CSMD2: variants seen among roughly 807,000 people sequenced by gnomAD.
The protein encoded by CSMD2 is CUB and sushi domain-containing protein 2.
Under a neutral mutation model 398.5 loss-of-function variants are expected in CSMD2, and 130 were observed. The observed-to-expected ratio is 0.33, with a 90% CI of 0.28 to 0.38. The LOEUF is 0.38. Among genes scored for constraint, CSMD2 ranks in the 10% least tolerant of loss-of-function variants. CSMD2 has a pLI of 1.00. For synonymous variants in CSMD2, 1,828 were observed against 1,908.5 expected, an observed-to-expected ratio of 0.96 and a Z score of 1.10; for missense variants, 3,829 against 4,764.9, an observed-to-expected ratio of 0.80 and a Z score of 5.78.
At chr1:33,769,888 T>TA (rs1391986038) in intron 13 of CSMD2, among the ~76,000 whole-genome samples, 9 of 152,216 alleles carry the variant, frequency 5.9e-5, no homozygotes, top group Non-Finnish European at 1.2e-4. Flanking sequence ...TTAGGGCACT[T>TA]ATGCTGACTT....
intron 5 of CSMD2, among the ~76,000 whole-genome samples, chr1:33,855,646 C>G (rs916322235): frequency 3.3e-5 from 5 of 152,088 alleles, no homozygotes; most frequent in African/African-American, 1.2e-4. Flanking sequence ...GCTGGCTGTC[C>G]CCTGTCCCCA....
intron 15 of CSMD2, among the ~76,000 whole-genome samples, chr1:33,731,803 A>T (rs1646729156): frequency 6.6e-6 from 1 of 152,230 alleles, no homozygotes; most frequent in Non-Finnish European, 1.5e-5. Context: ...TTAATTTTTT[A>T]AAATGATAGC....
At chr1:33,940,501 T>C (rs1644632597) in intron 3 of CSMD2, among the ~76,000 whole-genome samples, 1 of 151,936 alleles carries the variant, frequency 6.6e-6, no homozygotes, top group African/African-American at 2.4e-5. Context: ...GTCCAGGACC[T>C]GAAACATACC....
chr1:33,637,226 C>T (rs1170547039), intron 29 of CSMD2, among the ~76,000 whole-genome samples: 1 of 152,210 alleles, frequency 6.6e-6, no homozygotes, highest in Non-Finnish European at 1.5e-5. Context: ...TCACTTCCAC[C>T]TCTGGGTTGG....
chr1:33,610,042 C>A (rs75974922), intron 41 of CSMD2, among the ~76,000 whole-genome samples: 1,682 of 152,280 alleles, frequency 0.011, 30 homozygotes, highest in African/African-American at 0.038. Context: ...AAGATACTGT[C>A]TATGAACTAG....
intron 1 of CSMD2, among the ~76,000 whole-genome samples, chr1:34,115,338 G>C (rs1359197307): frequency 6.6e-6 from 1 of 152,134 alleles, no homozygotes; most frequent in African/African-American, 2.4e-5. Flanking sequence ...AATCTTGAAA[G>C]CAGCAAGGAA....
At chr1:34,007,810 A>G (rs552000514) in intron 3 of CSMD2, among the ~76,000 whole-genome samples, 12 of 152,192 alleles carry the variant, frequency 7.9e-5, no homozygotes, top group Non-Finnish European at 1.5e-4. Flanking sequence ...AATAAATTAC[A>G]TATTAATTGT....
rs368955341 is a variant in CSMD2, at chr1:33,958,734, C to T, written c.518-22780G>A. Among the ~76,000 whole-genome samples, 39 of 152,296 alleles carry T rather than the reference C, an allele frequency of 2.6e-4. 1 individual carries two copies. The highest frequency in any genetic ancestry group is 7.2e-4 in the African/African-American group (30 of 41,558). On this transcript the variant is annotated intron_variant, in intron 3 of 70. Coordinates refer to ENST00000373381, the MANE Select transcript of CSMD2 (RefSeq NM_001281956.2). ...AGAGGCCCTCAGGTCTCTGATAAAA[C>T]CTCAGCCTTAGCTGCCCCTGGATGA...
At chr1:33,946,667 G>A (rs908854215) in intron 3 of CSMD2, among the ~76,000 whole-genome samples, 3 of 151,146 alleles carry the variant, frequency 2.0e-5, no homozygotes, top group African/African-American at 7.3e-5. Flanking sequence ...CGCCCAGGGT[G>A]GAGTGCAGTG....
intron 5 of CSMD2, among the ~76,000 whole-genome samples, chr1:33,900,626 T>C (rs968764173): frequency 2.6e-5 from 4 of 151,654 alleles, no homozygotes; most frequent in African/African-American, 9.7e-5. Context: ...AAAATACAAA[T>C]AAATTAGCCA....
intron 5 of CSMD2, among the ~76,000 whole-genome samples, chr1:33,849,955 A>G (rs1255451247): frequency 6.6e-6 from 1 of 152,154 alleles, no homozygotes; most frequent in South Asian, 2.1e-4. Context: ...TAAGGCCTTG[A>G]AAAAGCCACT....
chr1:33,959,375 G>A (rs1000224811), intron 3 of CSMD2, among the ~76,000 whole-genome samples: 2 of 152,088 alleles, frequency 1.3e-5, no homozygotes, highest in South Asian at 2.1e-4. Context: ...AGTCAGAAAC[G>A]AGTTTTTGCC....
In CSMD2 at chr1:33,796,776, T is replaced by C. The variant is rs1016435691; in HGVS notation, c.1447-4250A>G. On this transcript the variant is annotated intron_variant, in intron 10 of 70. Transcript: ENST00000373381. The stretch of plus-strand genomic sequence containing the variant: ...TATTTTTCTTGTTGCAGAGAACCTA[T>C]AAATGGATGTGCAAGTAGGGAAGAT... Among the ~76,000 whole-genome samples, 78 of 152,164 alleles carry C rather than the reference T, an allele frequency of 5.1e-4. 1 individual carries two copies. The highest frequency in any genetic ancestry group is 4.1e-4 in the Non-Finnish European group (28 of 68,038).
chr1:33,631,983 A>G (rs1013706589), intron 32 of CSMD2, among the ~76,000 whole-genome samples: 7 of 152,168 alleles, frequency 4.6e-5, no homozygotes, highest in Admixed American at 2.6e-4. Context: ...ATTAAAACTA[A>G]AAAAGGAATA....
At chr1:34,025,061 C>T (rs930648626) in intron 3 of CSMD2, among the ~76,000 whole-genome samples, 9 of 152,204 alleles carry the variant, frequency 5.9e-5, no homozygotes, top group Non-Finnish European at 1.2e-4. Flanking sequence ...CTACTCCCAC[C>T]TCCAAACATC....
At chr1:33,948,812 C>A (rs1360043039) in intron 3 of CSMD2, among the ~76,000 whole-genome samples, 1 of 152,184 alleles carries the variant, frequency 6.6e-6, no homozygotes, top group Non-Finnish European at 1.5e-5. Context: ...GATAGAGGCG[C>A]AGAGGTAGAT....
At chr1:33,910,154 A>G (rs1643370231) in intron 5 of CSMD2, among the ~76,000 whole-genome samples, 1 of 152,164 alleles carries the variant, frequency 6.6e-6, no homozygotes, top group Admixed American at 6.5e-5. Flanking sequence ...AAAATTCAGA[A>G]TGATTATTTT....
chr1:34,124,864 C>G lies in CSMD2; in HGVS notation c.188-35671G>C, dbSNP rs567938799. ...AATAAAAACAAAGACCAACTAGGGG[C>G]ATTGCAAGCATTTCATCTCTGTGGA... On this transcript the variant is annotated intron_variant, in intron 1 of 70. Coordinates refer to ENST00000373381, the MANE Select transcript of CSMD2 (RefSeq NM_001281956.2). 3.2e-4 allele frequency among the ~76,000 whole-genome samples: 49 copies of G among 152,284 alleles called. 1 individual carries two copies. The South Asian group carries it at 0.01, about 32-fold the overall frequency.
intron 4 of CSMD2, among the ~76,000 whole-genome samples, chr1:33,922,909 T>C (rs1643994571): frequency 6.6e-6 from 1 of 152,204 alleles, no homozygotes. Context: ...TCTTTTGGTT[T>C]TTCAGTTTTT....
Sources: allele counts gnomAD v4.1 joint callset (sites outside exome capture counted in the v4.1 genomes callset), GRCh38; gene constraint gnomAD v4.1.1; transcripts MANE v1.5; gene names NCBI Gene and HGNC (gene_info 2026-07-23, HGNC 2026-07-21).